Variants in PSMD6 observed in about 807,000 individuals in gnomAD.
PSMD6 encodes the protein 26S proteasome non-ATPase regulatory subunit 6.
PSMD6 carries 7 observed loss-of-function variants against 44.9 expected under a neutral mutation model. The ratio of observed to expected loss-of-function variants is 0.16; its 90% CI spans 0.09 to 0.29. The LOEUF (loss-of-function observed/expected upper bound fraction) is 0.29. Among genes scored for constraint, PSMD6 ranks in the 10% least tolerant of loss-of-function variants. The pLI is 1.00. For missense variants in PSMD6, 420 were observed against 482.6 expected (o/e 0.87, Z 1.21); for synonymous variants, 184 against 172.7 (o/e 1.07, Z -0.51).
intron 5 of PSMD6, chr3:64,015,380 T>C (rs986059889): frequency 6.6e-6 from 1 of 152,076 alleles, no homozygotes. Flanking sequence ...CAAAACAGGG[T>C]TGCTTATAAT....
chr3:64,023,507 C>A, upstream of PSMD6: 3 of 1,428,976 alleles, frequency 2.1e-6, no homozygotes, highest in Non-Finnish European at 2.8e-6. Flanking sequence ...CGAATACGCC[C>A]GGCCGCCTGC....
Position 64,018,930 on chromosome 3 carries a change from A to T in PSMD6, c.605T>A (p.Leu202His). 1 of 1,604,048 alleles carries T rather than the reference A, an allele frequency of 6.2e-7. No homozygotes were observed. Among genetic ancestry groups the T allele is most frequent in the East Asian group, 2.2e-5 (1 of 44,800 alleles). The stretch of plus-strand genomic sequence containing the variant: ...GGATGTAAATGTTGAAACAGTGTCA[A>T]GGAAGAGTTCAGCTGCCTGTTTGAA... ...RDFKQAAELF[L>H]DTVSTFTSYE... Residue 202 changes from leucine (L) to histidine (H), a missense_variant, in exon 4 of 8, where the codon CTT becomes CAT. Around this residue, in one of 4 missense-constraint regions of PSMD6, gnomAD observed 216 missense variants for 227.0 expected, o/e 0.95. Transcript: ENST00000295901.
intron 6 of PSMD6, 49 bp from the exon 7 acceptor site, chr3:64,011,004 A>G (rs774879228): frequency 7.0e-7 from 1 of 1,436,804 alleles, no homozygotes; most frequent in Non-Finnish European, 9.5e-7. Context: ...GAAAATTCTT[A>G]GAAAAATGCA....
chr3:64,019,499 A>G, intron 2 of PSMD6, 58 bp from the exon 3 acceptor site: 23 of 1,544,788 alleles, frequency 1.5e-5, no homozygotes, highest in Non-Finnish European at 2.0e-5. Context: ...AAAAAAAGCT[A>G]TCAGCTGTCT....
intron 4 of PSMD6, 53 bp downstream of exon 4, chr3:64,018,765 T>A (rs897087628): frequency 6.5e-7 from 1 of 1,529,556 alleles, no homozygotes. Flanking sequence ...GATTTGTGTA[T>A]TTAAACAAAA....
At chr3:64,022,709 T>TA (rs1460657066) in intron 1 of PSMD6, 186 bp from the exon 2 acceptor site, 8 of 1,536,814 alleles carry the variant, frequency 5.2e-6, no homozygotes, top group Non-Finnish European at 7.0e-6. Context: ...GTGGGAGGTT[T>TA]GCGTGACGGC....
At chr3:64,018,771 C>CA (rs763478200) in intron 4 of PSMD6, 47 bp downstream of exon 4, 52 of 1,522,608 alleles carry the variant, frequency 3.4e-5, no homozygotes, top group Admixed American at 1.8e-4. Flanking sequence ...TGTATTTAAA[C>CA]AAAAAAAACA....
In PSMD6 at chr3:64,018,895, T is replaced by G; in HGVS notation, c.640A>C (p.Met214Leu). The change falls in exon 4 of 8, where the codon ATG (methionine) becomes CTG (leucine). Residue 214 changes from methionine to leucine, a missense_variant. Coordinates refer to ENST00000295901, the MANE Select transcript of PSMD6 (RefSeq NM_014814.3). ...TAAGTCACAAATGTTTTATAATCCA[T>G]GAGTTCATAGGATGTAAATGTTGAA... ...TVSTFTSYEL[M>L]DYKTFVTYTV... 6.3e-7 allele frequency: 1 copy of G among 1,597,928 alleles called. No individual in the cohort carries two copies. The highest frequency in any genetic ancestry group is 8.6e-7 in the Non-Finnish European group (1 of 1,165,324).
chr3:64,019,612 T>C, intron 2 of PSMD6, 171 bp from the exon 3 acceptor site: 1 of 578,114 alleles, frequency 1.7e-6, no homozygotes, highest in Non-Finnish European at 2.8e-6. Context: ...CACAAGGGTT[T>C]ATTATTCTAC....
chr3:64,023,279 A>ATCGCGGACGGCCGCCATCAGCTCG lies in PSMD6; in HGVS notation c.117_140dup (p.Glu40_Asp47dup). On this transcript the variant is annotated inframe_insertion, in exon 1 of 8. Transcript: ENST00000295901. Reference sequence around the variant, plus strand: ...CGGCGCTCGTGCGGGCCTCACTGTTATCGCGGACGGCCGCCATCAGCTCGT... The same window carrying ATCGCGGACGGCCGCCATCAGCTCG: ...CGGCGCTCGTGCGGGCCTCACTGTTATCGCGGACGGCCGCCATCAGCTCGTCGCGGACGGCCGCCATCAGCTCGT... 1.3e-6 allele frequency: 2 copies of ATCGCGGACGGCCGCCATCAGCTCG among 1,566,350 alleles called. No homozygotes were observed. The highest frequency in any genetic ancestry group is 1.7e-6 in the Non-Finnish European group (2 of 1,155,720).
At chr3:64,011,124 A>T (rs968799559) in intron 6 of PSMD6, 169 bp from the exon 7 acceptor site, 2 of 536,222 alleles carry the variant, frequency 3.7e-6, no homozygotes, top group Non-Finnish European at 3.3e-6. Flanking sequence ...GCAGGCTTTA[A>T]GTCATCATCT....
Position 64,022,673 on chromosome 3 carries a change from G to A in PSMD6, c.146-150C>T, listed in dbSNP as rs17069696. ...GGCATGCGATGGCGCTTAATAATCG[G>A]CTTGGCAAAACATAAACGTATGCTG... On this transcript the variant is annotated intron_variant, in intron 1 of 7. Coordinates refer to ENST00000295901, the MANE Select transcript of PSMD6 (RefSeq NM_014814.3). The A allele has an allele frequency of 9.5e-3, 14,560 of 1,538,890 alleles. 1,026 individuals are homozygous for A. The African/African-American group carries it at 0.16, about 17-fold the overall frequency.
chr3:64,012,631 TCTC>T (rs768918366), intron 6 of PSMD6: 2 of 152,132 alleles, frequency 1.3e-5, no homozygotes, highest in African/African-American at 2.4e-5. Flanking sequence ...ATCCTCAAAA[TCTC>T]CTACCACTCC....
intron 2 of PSMD6, among the ~76,000 whole-genome samples, chr3:64,020,112 T>A (rs2106869616): frequency 6.6e-6 from 1 of 152,240 alleles, no homozygotes; most frequent in East Asian, 1.9e-4. Context: ...TTTATTAGAG[T>A]GAAAATAACA....
rs373963658 is a variant in PSMD6, at chr3:64,022,532, C to T, written c.146-9G>A. 5 of 1,612,576 alleles carry T rather than the reference C, an allele frequency of 3.1e-6. No individual in the cohort carries two copies. In the Admixed American group the frequency reaches 5.0e-5, roughly 16 times the overall value. ...ATAGTAAGGAGCCATGTCTAACATGCAAAAAGAGGGATGTGTGAGTGGGGA... is the reference window on the plus strand; with the variant it reads ...ATAGTAAGGAGCCATGTCTAACATGTAAAAAGAGGGATGTGTGAGTGGGGA... On this transcript the variant is annotated splice_polypyrimidine_tract_variant and intron_variant, in intron 1 of 7. Coordinates refer to ENST00000295901, the MANE Select transcript of PSMD6 (RefSeq NM_014814.3).
At chr3:64,022,563 G>C (rs747832643) in intron 1 of PSMD6, 40 bp from the exon 2 acceptor site, 1 of 1,609,556 alleles carries the variant, frequency 6.2e-7, no homozygotes, top group East Asian at 2.2e-5. Flanking sequence ...GGGGACACTT[G>C]TGCCCTCAAG....
chr3:64,022,898 A>T, intron 1 of PSMD6: 1 of 1,485,794 alleles, frequency 6.7e-7, no homozygotes, highest in Non-Finnish European at 9.0e-7. Flanking sequence ...ACCGAACCCA[A>T]ATTTCCCTTC....
In PSMD6 at chr3:64,018,903, T is replaced by C. The variant is rs1322767151; in HGVS notation, c.632A>G (p.Tyr211Cys). The C allele has an allele frequency of 4.4e-6, 7 of 1,596,858 alleles. No individual in the cohort carries two copies. The highest frequency in any genetic ancestry group is 1.1e-5 in the South Asian group (1 of 90,688). Residue 211 changes from tyrosine (Y) to cysteine (C), a missense_variant, in exon 4 of 8, where the codon TAT (tyrosine) becomes TGT (cysteine). Coordinates refer to ENST00000295901, the MANE Select transcript of PSMD6 (RefSeq NM_014814.3). ...AAATGTTTTATAATCCATGAGTTCA[T>C]AGGATGTAAATGTTGAAACAGTGTC... ...FLDTVSTFTSYELMDYKTFVT... is the reference protein window; with the variant it reads ...FLDTVSTFTSCELMDYKTFVT...
In PSMD6 at chr3:64,010,902, A is replaced by G; in HGVS notation, c.1049T>C (p.Val350Ala). The G allele has an allele frequency of 6.2e-7, 1 of 1,611,004 alleles. No individual in the cohort carries two copies. Among genetic ancestry groups the G allele is most frequent in the Non-Finnish European group, 8.5e-7 (1 of 1,178,076 alleles). Residue 350 changes from valine (V) to alanine (A), a missense_variant, in exon 7 of 8, where the codon GTG becomes GCG. Val to Ala is a moderately conservative substitution (Grantham distance 64). Transcript: ENST00000295901. ...AGRLHCKIDK[V>A]NEIVETNRPD... ...CCTGTTGGTTTCTACTATTTCATTC[A>G]CTTTATCTATTTTGCAGTGTAGTCT...
Sources: allele counts gnomAD v4.1 joint callset (sites outside exome capture counted in the v4.1 genomes callset), GRCh38; gene constraint gnomAD v4.1.1; regional missense constraint gnomAD v4.1.1; transcripts MANE v1.5; gene names NCBI Gene and HGNC (gene_info 2026-07-23, HGNC 2026-07-21).